The following SLC12A5 variants were observed in gnomAD, a reference collection of about 807,000 sequenced individuals.
SLC12A5 encodes the protein K-Cl cotransporter 2.
In SLC12A5, 18 loss-of-function variants were observed where a neutral mutation model predicts 124.0. That is an observed-to-expected ratio of 0.15 (90% confidence interval 0.10 to 0.22). SLC12A5 has a LOEUF of 0.22. SLC12A5 is among the 10% of genes least tolerant of loss of function. The pLI is 1.00. For synonymous variants in SLC12A5, 589 were observed against 568.0 expected, an observed-to-expected ratio of 1.04 and a Z score of -0.53; for missense variants, 867 against 1,478.7, an observed-to-expected ratio of 0.59 and a Z score of 6.78.
At chr20:46,033,351 C>T (rs576849625) in intron 1 of SLC12A5, among the ~76,000 whole-genome samples, 1 of 152,140 alleles carries the variant, frequency 6.6e-6, no homozygotes, top group Non-Finnish European at 1.5e-5. Context: ...GAGATGTCAA[C>T]TGCTGGAATT....
intron 7 of SLC12A5, chr20:46,041,038 C>G: frequency 4.8e-6 from 2 of 419,832 alleles, no homozygotes; most frequent in South Asian, 2.4e-5. Context: ...CAAGTCCACT[C>G]CATCCACTGC....
chr20:46,026,625 A>C (rs1328267695), upstream of SLC12A5, among the ~76,000 whole-genome samples: 1 of 152,208 alleles, frequency 6.6e-6, no homozygotes, highest in African/African-American at 2.4e-5. Context: ...CTTTGGTCTG[A>C]GATTAATAGA....
Position 46,049,706 on chromosome 20 carries a change from G to A in SLC12A5, c.2097G>A (p.Lys699=), listed in dbSNP as rs769017426. The change falls in exon 17 of 26, where the codon AAG becomes AAA. Residue 699 remains lysine (K), a synonymous_variant. Coordinates refer to ENST00000243964, the MANE Select transcript of SLC12A5 (RefSeq NM_020708.5). ...TGCTCTCACTGACCTCCCAGCTGAA[G>A]GCGGGGAAGGGCCTGACCATCGTGG... ...PQLLSLTSQL[K]AGKGLTIVGS... 1 of 1,606,396 alleles carries A rather than the reference G, an allele frequency of 6.2e-7. No homozygotes were observed. Among genetic ancestry groups the A allele is most frequent in the South Asian group, 1.1e-5 (1 of 89,010 alleles).
chr20:46,056,167 T>C lies in SLC12A5; in HGVS notation c.2805T>C (p.Asp935=), dbSNP rs151293924. The part of the protein sequence containing the change: ...EREREIQSIT[D]ESRGSIRRKN... ...CTCCCTAGATCCAGAGTATCACAGA[T>C]GAGTCACGAGGCTCAATCCGGAGAA... is the stretch of plus-strand genomic sequence containing the variant. Residue 935 remains aspartate (D), a synonymous_variant, in exon 22 of 26, where the codon GAT becomes GAC. Coordinates refer to ENST00000243964, the MANE Select transcript of SLC12A5 (RefSeq NM_020708.5). The surrounding 1 kb of genome is among the most constrained non-coding windows in gnomAD (Gnocchi z 4.3). 533 of 1,614,100 alleles carry C rather than the reference T, an allele frequency of 3.3e-4. 2 individuals carry two copies. In the African/African-American group the frequency reaches 6.1e-3, roughly 19 times the overall value.
intron 7 of SLC12A5, chr20:46,040,978 T>G (rs1383955100): frequency 2.5e-6 from 1 of 392,558 alleles, no homozygotes; most frequent in African/African-American, 2.0e-5. Flanking sequence ...GGACAACTCC[T>G]CCAGGATGGG....
At chr20:46,021,806 G>A, upstream of SLC12A5, 1 of 1,532,778 alleles carries the variant, frequency 6.5e-7, no homozygotes, top group Non-Finnish European at 8.7e-7. Context: ...CCCCCCGCAG[G>A]GCCCGCCAGA....
chr20:46,047,389 C>T, intron 14 of SLC12A5, 65 bp from the exon 15 acceptor site: 2 of 1,585,660 alleles, frequency 1.3e-6, no homozygotes, highest in African/African-American at 1.3e-5. Context: ...CTCTTGCTTT[C>T]TAAGTCCCAG....
At chr20:46,030,184 C>T (rs1036847729) in intron 1 of SLC12A5, among the ~76,000 whole-genome samples, 2 of 152,120 alleles carry the variant, frequency 1.3e-5, no homozygotes, top group African/African-American at 4.8e-5. Flanking sequence ...CCCTCTTTCC[C>T]CCTCCTCTCA....
rs770883724 is a variant in SLC12A5 at position 46,053,057 on chromosome 20, C to T, written c.2478C>T (p.Ile826=). 1.7e-5 allele frequency: 28 copies of T among 1,614,184 alleles called. No individual in the cohort carries two copies. Among genetic ancestry groups the T allele is most frequent in the South Asian group, 3.3e-5 (3 of 91,070 alleles). Reference sequence around the variant, plus strand: ...CTGAGCGCTTCTCTGAGGGCAGCATCGACGTTTGGTGGATTGTGCACGATG... The same window carrying T: ...CTGAGCGCTTCTCTGAGGGCAGCATTGACGTTTGGTGGATTGTGCACGATG... ...GNPERFSEGS[I]DVWWIVHDGG... Residue 826 remains isoleucine (I), a synonymous_variant, in exon 19 of 26, where the codon ATC becomes ATT. Transcript: ENST00000243964. This position sits in a 1 kb window ranked among gnomAD's most constrained non-coding sequence, Gnocchi z 4.7.
intron 3 of SLC12A5, 93 bp from the exon 4 acceptor site, chr20:46,035,684 G>A (rs760090871): frequency 2.4e-4 from 365 of 1,522,714 alleles, no homozygotes; most frequent in Non-Finnish European, 3.1e-4. Flanking sequence ...AGAGAGAAGA[G>A]GAAGGTGGGG....
chr20:46,052,897 G>C, intron 18 of SLC12A5, 60 bp from the exon 19 acceptor site: 3 of 1,514,048 alleles, frequency 2.0e-6, no homozygotes, highest in Non-Finnish European at 1.8e-6. Context: ...GCTGCTGCTG[G>C]GTGTTGGGAG....
intron 2 of SLC12A5, 179 bp downstream of exon 2, chr20:46,035,221 C>A: frequency 1.0e-6 from 1 of 980,608 alleles, no homozygotes; most frequent in Non-Finnish European, 1.6e-6. Context: ...CCTCTGCTCC[C>A]TGCCCTCTCC....
chr20:46,029,430 G>A lies in SLC12A5; in HGVS notation c.52+34G>A, dbSNP rs777360890. 3.2e-6 allele frequency: 5 copies of A among 1,544,088 alleles called. No homozygotes were observed. In the South Asian group the frequency reaches 4.8e-5, roughly 15 times the overall value. On this transcript the variant is annotated intron_variant, in intron 1 of 25. Coordinates refer to ENST00000243964, the MANE Select transcript of SLC12A5 (RefSeq NM_020708.5). ...TGGTCCGGGGGCGGCGGGGGAGGGG[G>A]CAGCGAGGAGAGGAGGCAGCTCTGG...
Position 46,056,070 on chromosome 20 carries a change from A to G in SLC12A5, c.2788-80A>G. On this transcript the variant is annotated intron_variant, in intron 21 of 25. Coordinates refer to ENST00000243964, the MANE Select transcript of SLC12A5 (RefSeq NM_020708.5). The surrounding 1 kb of genome is among the most constrained non-coding windows in gnomAD (Gnocchi z 4.3). The stretch of plus-strand genomic sequence containing the variant: ...TCCAGAAAGTGCATCCTGGCTGAAC[A>G]TCATCTCTGGTGATAGCTCTTTGCA... 1 of 1,575,180 alleles carries G rather than the reference A, an allele frequency of 6.3e-7. No individual in the cohort carries two copies. Among genetic ancestry groups the G allele is most frequent in the Non-Finnish European group, 8.6e-7 (1 of 1,159,220 alleles).
At chr20:46,041,255 TC>T in intron 7 of SLC12A5, 73 bp from the exon 8 acceptor site, 2 of 1,324,090 alleles carry the variant, frequency 1.5e-6, no homozygotes, top group Non-Finnish European at 2.1e-6. Flanking sequence ...TTAAAAGGTC[TC>T]CCGGTGGCTG....
intron 16 of SLC12A5, 152 bp from the exon 17 acceptor site, chr20:46,049,470 T>G: frequency 1.1e-6 from 1 of 950,378 alleles, no homozygotes. Flanking sequence ...AATGGGTTGA[T>G]GGGTAGATGA....
chr20:46,057,438 C>T lies in SLC12A5; in HGVS notation c.3260-76C>T, dbSNP rs1003363499. On this transcript the variant is annotated intron_variant, in intron 25 of 25. Transcript: ENST00000243964. The surrounding 1 kb of genome is among the most constrained non-coding windows in gnomAD (Gnocchi z 7.1). The stretch of plus-strand genomic sequence containing the variant: ...GGACAGGGACACGGGCGCGAGAGGT[C>T]CCCTGGCAGCCGAGCGCGACCCCAA... The T allele has an allele frequency of 1.9e-6, 3 of 1,600,464 alleles. No homozygotes were observed. The highest frequency in any genetic ancestry group is 4.5e-5 in the East Asian group (2 of 44,770).
intron 1 of SLC12A5, among the ~76,000 whole-genome samples, chr20:46,030,583 C>T (rs967089937): frequency 6.6e-6 from 1 of 152,026 alleles, no homozygotes; most frequent in Non-Finnish European, 1.5e-5. Flanking sequence ...CGCCTGCTGT[C>T]TGCGCTCAGC....
rs1269392716 is a variant in SLC12A5 at position 46,057,372 on chromosome 20, A to T, written c.3259+69A>T. On this transcript the variant is annotated intron_variant, in intron 25 of 25. Coordinates refer to ENST00000243964, the MANE Select transcript of SLC12A5 (RefSeq NM_020708.5). The surrounding 1 kb of genome is among the most constrained non-coding windows in gnomAD (Gnocchi z 7.1). ...AGGGAATCTGGGTCCTGTCCCTGGG[A>T]TGGAAGAGCTGAGCTGTTCCTGCCT... is the stretch of plus-strand genomic sequence containing the variant. The T allele has an allele frequency of 6.2e-7, 1 of 1,610,530 alleles. No homozygotes were observed. The highest frequency in any genetic ancestry group is 8.5e-7 in the Non-Finnish European group (1 of 1,176,944).
Sources: allele counts gnomAD v4.1 joint callset (sites outside exome capture counted in the v4.1 genomes callset), GRCh38; gene constraint gnomAD v4.1.1; non-coding constraint Gnocchi (gnomAD v3.1); transcripts MANE v1.5; gene names NCBI Gene and HGNC (gene_info 2026-07-23, HGNC 2026-07-21).